The following IMMP2L variants were observed in gnomAD, a reference collection of about 807,000 sequenced individuals.
IMMP2L encodes the protein mitochondrial inner membrane protease subunit 2.
IMMP2L carries 18 observed loss-of-function variants against 19.3 expected under a neutral mutation model. That is an observed-to-expected ratio of 0.93 (90% CI 0.64 to 1.38). IMMP2L has a LOEUF of 1.38. Ranked by LOEUF, IMMP2L falls within the 40% of genes most tolerant of loss-of-function variation. IMMP2L has a pLI of 0.00. For missense variants in IMMP2L, 233 were observed against 218.2 expected (o/e 1.07, Z -0.43); for synonymous variants, 76 against 73.0 (o/e 1.04, Z -0.21).
At chr7:110,873,429 C>CAAAAAAAAAAAAAA (rs60827428) in intron 5 of IMMP2L, among the ~76,000 whole-genome samples, 2 of 28,950 alleles carry the variant, frequency 6.9e-5, no homozygotes, top group East Asian at 1.3e-3. Flanking sequence ...GACTCTATCT[C>CAAAAAAAAAAAAAA]AAAAAAAAAA....
intron 3 of IMMP2L, among the ~76,000 whole-genome samples, chr7:110,968,572 C>G (rs1819802697): frequency 1.3e-5 from 2 of 152,028 alleles, no homozygotes; most frequent in African/African-American, 4.8e-5. Flanking sequence ...ACTCAGGAGG[C>G]TGAGTTAGGT....
chr7:111,181,282 GATA>G (rs906731930), intron 3 of IMMP2L, among the ~76,000 whole-genome samples: 3 of 151,942 alleles, frequency 2.0e-5, no homozygotes, highest in Non-Finnish European at 4.4e-5. Context: ...AATAAGAATG[GATA>G]ATATTTCCCC....
intron 5 of IMMP2L, among the ~76,000 whole-genome samples, chr7:110,848,275 A>G (rs1805862123): frequency 6.6e-6 from 1 of 152,208 alleles, no homozygotes; most frequent in Non-Finnish European, 1.5e-5. Flanking sequence ...CACCAAAGAA[A>G]AAATATGGTT....
intron 3 of IMMP2L, among the ~76,000 whole-genome samples, chr7:110,996,525 A>T (rs904685277): frequency 1.3e-5 from 2 of 152,124 alleles, no homozygotes; most frequent in African/African-American, 4.8e-5. Flanking sequence ...CACTGTTAAG[A>T]AATAACATCT....
chr7:110,682,088 ACTCATCAG>A (rs1237209692), intron 5 of IMMP2L, among the ~76,000 whole-genome samples: 1 of 152,034 alleles, frequency 6.6e-6, no homozygotes, highest in African/African-American at 2.4e-5. Context: ...ATTTCTCAGC[ACTCATCAG>A]CTTGTAGTCC....
At chr7:110,946,202 A>G (rs1418602074) in intron 4 of IMMP2L, among the ~76,000 whole-genome samples, 1 of 152,142 alleles carries the variant, frequency 6.6e-6, no homozygotes, top group Non-Finnish European at 1.5e-5. Flanking sequence ...GAGAATCAAT[A>G]ATGTATTAAA....
intron 3 of IMMP2L, among the ~76,000 whole-genome samples, chr7:111,464,189 C>T (rs191691792): frequency 6.6e-6 from 1 of 152,190 alleles, no homozygotes. Flanking sequence ...ATATACAAGG[C>T]CAGGATTACA....
At position 111,310,459 on chromosome 7, in the gene IMMP2L, G is replaced by T. The variant is rs536942776; in HGVS notation, c.239+176779C>A. Among the ~76,000 whole-genome samples the T allele has an allele frequency of 3.4e-4, 51 of 152,030 alleles. No homozygotes were observed. In the South Asian group the frequency reaches 0.011, roughly 32 times the overall value. On this transcript the variant is annotated intron_variant, in intron 3 of 5. Transcript: ENST00000405709. ...TTATGTTAAAGTTTTGTTTCTGTTG[G>T]TCTTTATTTTTAATTCTGGAAGAGC...
chr7:111,231,904 G>A (rs184592744), intron 3 of IMMP2L, among the ~76,000 whole-genome samples: 1,531 of 151,702 alleles, frequency 0.01, 16 homozygotes, highest in Non-Finnish European at 0.017. Flanking sequence ...AAAAATCACC[G>A]CCAAATTTCA....
chr7:110,679,176 G>C (rs996184396), intron 5 of IMMP2L, among the ~76,000 whole-genome samples: 7 of 151,978 alleles, frequency 4.6e-5, no homozygotes, highest in African/African-American at 1.7e-4. Context: ...CAGGCCTCCG[G>C]GGGTATCTCC....
At chr7:111,218,241 C>T (rs1669756478) in intron 3 of IMMP2L, among the ~76,000 whole-genome samples, 2 of 152,056 alleles carry the variant, frequency 1.3e-5, no homozygotes. Context: ...CATCACCAGA[C>T]CTGGTAAACC....
intron 3 of IMMP2L, among the ~76,000 whole-genome samples, chr7:111,291,027 T>C (rs1284980897): frequency 1.3e-5 from 2 of 152,048 alleles, no homozygotes; most frequent in African/African-American, 4.8e-5. Flanking sequence ...CAAATAAAGA[T>C]CCTATAGAAG....
rs569144162 is a variant in IMMP2L, at chr7:111,059,180, C to T, written c.240-95615G>A. Among the ~76,000 whole-genome samples, 14 of 152,136 alleles carry T rather than the reference C, an allele frequency of 9.2e-5. No individual in the cohort carries two copies. The South Asian group carries it at 2.9e-3, about 32-fold the overall frequency. ...TATATTTTCAGTAGAGACAGGGTTT[C>T]ACTATGTTGCCCAGGCTGGTCTCAA... On this transcript the variant is annotated intron_variant, in intron 3 of 5. Transcript: ENST00000405709.
chr7:111,511,311 A>C (rs1387315315), intron 2 of IMMP2L, among the ~76,000 whole-genome samples: 1 of 152,028 alleles, frequency 6.6e-6, no homozygotes, highest in African/African-American at 2.4e-5. Context: ...TAGATCAGGC[A>C]CTAGGGAATC....
intron 4 of IMMP2L, among the ~76,000 whole-genome samples, chr7:110,927,647 T>C (rs962530574): frequency 2.0e-5 from 3 of 151,940 alleles, no homozygotes. Context: ...TTCTAGATTC[T>C]GGAAAACGCA....
intron 3 of IMMP2L, among the ~76,000 whole-genome samples, chr7:111,324,015 T>G (rs530833507): frequency 6.6e-6 from 1 of 152,002 alleles, no homozygotes; most frequent in East Asian, 1.9e-4. Flanking sequence ...TGGGGAGGGA[T>G]AGCATTAGGA....
At chr7:111,114,408 G>A (rs1025641383) in intron 3 of IMMP2L, among the ~76,000 whole-genome samples, 4 of 151,942 alleles carry the variant, frequency 2.6e-5, no homozygotes, top group Admixed American at 2.0e-4. Context: ...AAATCCTATC[G>A]GTATCCATCC....
intron 3 of IMMP2L, among the ~76,000 whole-genome samples, chr7:111,373,595 T>C (rs1264663202): frequency 1.3e-5 from 2 of 152,080 alleles, no homozygotes; most frequent in African/African-American, 4.8e-5. Context: ...ACTTCAGTTA[T>C]AAGCTTTGCT....
chr7:111,396,810 T>C (rs189755529), intron 3 of IMMP2L, among the ~76,000 whole-genome samples: 2 of 151,958 alleles, frequency 1.3e-5, no homozygotes, highest in African/African-American at 2.4e-5. Context: ...TTTCACTGGG[T>C]GCGGTGGCTC....
Sources: gnomAD v4.1 joint callset for allele counts (sites outside exome capture counted in the v4.1 genomes callset) on GRCh38, gnomAD v4.1.1 for gene constraint, MANE v1.5 for transcripts, NCBI Gene and HGNC (gene_info 2026-07-23, HGNC 2026-07-21) for gene names.